NEBL: variants seen among roughly 807,000 people sequenced by gnomAD.
NEBL encodes LIM and SH3 protein 2.
Under a neutral mutation model 140.2 loss-of-function variants are expected in NEBL, and 122 were observed. That is an observed-to-expected ratio of 0.87 (90% CI 0.75 to 1.01). NEBL has a LOEUF of 1.01. NEBL is among the 50% of genes least tolerant of loss of function. NEBL has a pLI of 0.00. For synonymous variants in NEBL, 436 were observed against 398.9 expected, an observed-to-expected ratio of 1.09 and a Z score of -1.11; for missense variants, 1,365 against 1,231.3, an observed-to-expected ratio of 1.11 and a Z score of -1.62.
At chr10:21,034,167 GA>G (rs964552949) in intron 2 of NEBL, among the ~76,000 whole-genome samples, 516 of 33,498 alleles carry the variant, frequency 0.015, 2 homozygotes, top group East Asian at 0.11. Flanking sequence ...ACCCTATCTC[GA>G]AAAAAAAAAA....
intron 1 of NEBL, among the ~76,000 whole-genome samples, chr10:21,265,927 C>T (rs1337842144): frequency 6.6e-6 from 1 of 152,098 alleles, no homozygotes; most frequent in Non-Finnish European, 1.5e-5. Flanking sequence ...GTAGAACACA[C>T]CTTGGAGTTA....
At chr10:21,136,810 CT>C (rs552665595) in intron 2 of NEBL, among the ~76,000 whole-genome samples, 220 of 152,322 alleles carry the variant, frequency 1.4e-3, no homozygotes, top group Non-Finnish European at 2.7e-3. Context: ...GGAAAGCAAT[CT>C]GGGTAAATTA....
At chr10:21,037,120 T>C (rs1834045496) in intron 2 of NEBL, among the ~76,000 whole-genome samples, 1 of 152,112 alleles carries the variant, frequency 6.6e-6, no homozygotes, top group African/African-American at 2.4e-5. Flanking sequence ...GACTTCCCCA[T>C]TGCAACTGAA....
chr10:21,199,501 C>T (rs1485616414), intron 3 of NEBL, among the ~76,000 whole-genome samples: 1 of 152,142 alleles, frequency 6.6e-6, no homozygotes, highest in Non-Finnish European at 1.5e-5. Flanking sequence ...TGGAAGCCCC[C>T]TTAAATGTAT....
At chr10:20,954,939 C>T (rs898528049) in intron 4 of NEBL, among the ~76,000 whole-genome samples, 5 of 152,336 alleles carry the variant, frequency 3.3e-5, no homozygotes, top group Admixed American at 2.0e-4. Context: ...TCTCAGCTAG[C>T]ACTAAGCCAG....
At chr10:21,043,039 G>A (rs1257018858) in intron 2 of NEBL, among the ~76,000 whole-genome samples, 3 of 152,194 alleles carry the variant, frequency 2.0e-5, no homozygotes, top group East Asian at 1.9e-4. Context: ...AACAAGAAAG[G>A]ACAATGCTTC....
chr10:20,865,276 T>C (rs1219450807), intron 7 of NEBL, among the ~76,000 whole-genome samples: 1 of 152,212 alleles, frequency 6.6e-6, no homozygotes, highest in Non-Finnish European at 1.5e-5. Flanking sequence ...AATTATGTCA[T>C]GTTTCTATGG....
intron 3 of NEBL, among the ~76,000 whole-genome samples, chr10:21,243,946 G>T (rs951719179): frequency 6.7e-6 from 1 of 150,058 alleles, no homozygotes; most frequent in African/African-American, 2.5e-5. Flanking sequence ...AAAGGGAAGG[G>T]GAAGGGGAAG....
At chr10:21,127,687 G>C (rs1203314604) in intron 2 of NEBL, among the ~76,000 whole-genome samples, 1 of 152,134 alleles carries the variant, frequency 6.6e-6, no homozygotes, top group African/African-American at 2.4e-5. Context: ...GCCCAATCCA[G>C]AATGTGGGAC....
At chr10:20,964,063 A>G (rs1836180760) in intron 3 of NEBL, among the ~76,000 whole-genome samples, 1 of 152,212 alleles carries the variant, frequency 6.6e-6, no homozygotes, top group Non-Finnish European at 1.5e-5. Context: ...AGTCATGTGT[A>G]GTCTGATTCT....
At chr10:21,064,032 A>C in intron 2 of NEBL, among the ~76,000 whole-genome samples, 1 of 152,094 alleles carries the variant, frequency 6.6e-6, no homozygotes, top group East Asian at 1.9e-4. Context: ...AGATCGCGCC[A>C]CTGTACTCCA....
chr10:21,076,444 CAAAAAAAAAAAAAA>C (rs56013237), intron 2 of NEBL, among the ~76,000 whole-genome samples: 12 of 50,046 alleles, frequency 2.4e-4, no homozygotes, highest in South Asian at 9.3e-4. Context: ...GACTCAGTTT[CAAAAAAAAAAAAAA>C]AAAAAAAAAA....
At chr10:20,951,397 A>G (rs1019010068) in intron 4 of NEBL, among the ~76,000 whole-genome samples, 1 of 152,074 alleles carries the variant, frequency 6.6e-6, no homozygotes, top group Non-Finnish European at 1.5e-5. Context: ...CAAAAAAAAA[A>G]AAAGAAAGAA....
chr10:20,958,640 T>A (rs544996221), intron 4 of NEBL, among the ~76,000 whole-genome samples: 2 of 152,342 alleles, frequency 1.3e-5, no homozygotes, highest in African/African-American at 4.8e-5. Flanking sequence ...AAAAAATAAT[T>A]TTGCTTTATT....
intron 2 of NEBL, among the ~76,000 whole-genome samples, chr10:21,157,822 A>G (rs1299545173): frequency 6.6e-6 from 1 of 152,082 alleles, no homozygotes; most frequent in Non-Finnish European, 1.5e-5. Flanking sequence ...ATCAAGTGAG[A>G]ATGAGGTCAT....
At chr10:21,260,327 G>A (rs1012546634) in intron 1 of NEBL, among the ~76,000 whole-genome samples, 3 of 152,226 alleles carry the variant, frequency 2.0e-5, no homozygotes, top group Admixed American at 6.5e-5. Context: ...AGAAAGCCCA[G>A]GGCCTGTGGT....
At chr10:20,932,045 C>G (rs1331968431) in intron 4 of NEBL, among the ~76,000 whole-genome samples, 2 of 152,176 alleles carry the variant, frequency 1.3e-5, no homozygotes, top group African/African-American at 4.8e-5. Context: ...CTTGTTTCCT[C>G]TACTCCCTCA....
chr10:21,060,246 G>C (rs1835214884), intron 2 of NEBL, among the ~76,000 whole-genome samples: 1 of 152,170 alleles, frequency 6.6e-6, no homozygotes. Flanking sequence ...CAGCACATCT[G>C]CCTGTAATAC....
intron 2 of NEBL, among the ~76,000 whole-genome samples, chr10:21,114,320 T>A (rs555222175): frequency 1.3e-5 from 2 of 152,204 alleles, no homozygotes; most frequent in African/African-American, 4.8e-5. Context: ...TTAAATTGAT[T>A]AAGATTTGTT....
Sources: gnomAD v4.1 joint callset for allele counts (sites outside exome capture counted in the v4.1 genomes callset) on GRCh38, gnomAD v4.1.1 for gene constraint, MANE v1.5 for transcripts, NCBI Gene and HGNC (gene_info 2026-07-23, HGNC 2026-07-21) for gene names.